The following GTF2F2 variants were observed in gnomAD, a reference collection of about 807,000 sequenced individuals.
GTF2F2 encodes the protein ATP-dependent helicase GTF2F2.
A neutral mutation model predicts 42.2 loss-of-function variants in GTF2F2; 23 were observed. The observed-to-expected ratio is 0.55, with a 90% confidence interval of 0.39 to 0.77. GTF2F2 has a LOEUF of 0.77. Among genes scored for constraint, GTF2F2 ranks in the 30% least tolerant of loss-of-function variants. GTF2F2 has a pLI of 0.00. For missense variants in GTF2F2, 261 were observed against 287.2 expected, an observed-to-expected ratio of 0.91 and a Z score of 0.66; for synonymous variants, 105 against 100.8, an observed-to-expected ratio of 1.04 and a Z score of -0.25.
At chr13:45,222,832 G>A (rs906111727) in intron 5 of GTF2F2, among the ~76,000 whole-genome samples, 1 of 152,112 alleles carries the variant, frequency 6.6e-6, no homozygotes, top group Admixed American at 6.6e-5. Context: ...AACCTGCTTC[G>A]TGAACTATGG....
At chr13:45,235,163 A>C (rs1438933883) in intron 5 of GTF2F2, among the ~76,000 whole-genome samples, 1 of 151,718 alleles carries the variant, frequency 6.6e-6, no homozygotes, top group African/African-American at 2.4e-5. Context: ...TATTGTCAAC[A>C]CTTTGTCAAT....
At chr13:45,159,115 A>G (rs1333054696) in intron 4 of GTF2F2, among the ~76,000 whole-genome samples, 2 of 152,240 alleles carry the variant, frequency 1.3e-5, no homozygotes, top group African/African-American at 2.4e-5. Context: ...GCCACTCTAC[A>G]TATTGTCATG....
intron 6 of GTF2F2, among the ~76,000 whole-genome samples, chr13:45,255,041 C>T (rs1876041964): frequency 1.3e-5 from 2 of 151,814 alleles, no homozygotes; most frequent in Non-Finnish European, 2.9e-5. Flanking sequence ...GTGGCAGGCA[C>T]CTGTAATTCC....
rs543251608 is a variant in GTF2F2, at chr13:45,268,480, C to T, written c.630+1104C>T. Among the ~76,000 whole-genome samples the T allele has an allele frequency of 1.0e-3, 155 of 151,934 alleles. 1 individual carries two copies. Among genetic ancestry groups the T allele is most frequent in the African/African-American group, 3.5e-3 (144 of 41,442 alleles). ...TTTGTTAAGAAATTAATTTGAATTCCAAAAGATTTACTTTTTAATAAGAAG... is the reference window on the plus strand; with the variant it reads ...TTTGTTAAGAAATTAATTTGAATTCTAAAAGATTTACTTTTTAATAAGAAG... On this transcript the variant is annotated intron_variant, in intron 7 of 7. Coordinates refer to ENST00000340473, the MANE Select transcript of GTF2F2 (RefSeq NM_004128.3).
chr13:45,226,449 CA>C (rs1392807747), intron 5 of GTF2F2, among the ~76,000 whole-genome samples: 9 of 152,130 alleles, frequency 5.9e-5, no homozygotes, highest in Non-Finnish European at 1.0e-4. Context: ...TCTTATACAT[CA>C]TAGGGTCTGT....
chr13:45,140,953 T>TA (rs1428037535), intron 2 of GTF2F2, among the ~76,000 whole-genome samples: 2 of 152,240 alleles, frequency 1.3e-5, no homozygotes, highest in African/African-American at 2.4e-5. Context: ...CTTTGGGCCT[T>TA]ACACTTCTTG....
chr13:45,199,408 A>C (rs919814192), intron 4 of GTF2F2, among the ~76,000 whole-genome samples: 3 of 152,268 alleles, frequency 2.0e-5, no homozygotes, highest in African/African-American at 7.2e-5. Flanking sequence ...ACAATTTATA[A>C]GTCATATTAA....
chr13:45,148,710 A>G (rs1285771354), intron 2 of GTF2F2, among the ~76,000 whole-genome samples: 1 of 152,150 alleles, frequency 6.6e-6, no homozygotes, highest in Non-Finnish European at 1.5e-5. Context: ...GACAGGGTTA[A>G]CTCAGTACTT....
At chr13:45,236,606 A>C (rs994946876) in intron 5 of GTF2F2, among the ~76,000 whole-genome samples, 1 of 151,996 alleles carries the variant, frequency 6.6e-6, no homozygotes, top group Non-Finnish European at 1.5e-5. Context: ...AAAGGTGCCT[A>C]AGTGTTACTG....
intron 7 of GTF2F2, among the ~76,000 whole-genome samples, chr13:45,270,286 C>T (rs944874163): frequency 6.6e-6 from 1 of 152,070 alleles, no homozygotes; most frequent in African/African-American, 2.4e-5. Context: ...GATATAAAGT[C>T]GGGGACATAG....
chr13:45,276,696 C>G (rs1006267419), intron 7 of GTF2F2, among the ~76,000 whole-genome samples: 2 of 152,196 alleles, frequency 1.3e-5, no homozygotes, highest in Non-Finnish European at 2.9e-5. Flanking sequence ...CTGCCTCGGC[C>G]TCCCAAAGTG....
rs1877394101 is a variant in GTF2F2, at chr13:45,284,786, ATAT to A, written c.*1230_*1232del. The A allele has an allele frequency of 6.6e-6, 1 of 152,256 alleles. No individual in the cohort carries two copies. Among genetic ancestry groups the A allele is most frequent in the African/African-American group, 2.4e-5 (1 of 41,468 alleles). 9.4% of individuals were successfully genotyped at this position (152,256 alleles called of 1,614,324 possible). ...CTATCCATTGAGAAAAACAATTTTT[ATAT>A]TATTTGCTTTTAGCAGCAAAGCATT... is the stretch of plus-strand genomic sequence containing the variant. On this transcript the variant is annotated 3_prime_UTR_variant, in exon 8 of 8. Transcript: ENST00000340473.
chr13:45,205,817 C>T (rs1192289881), intron 4 of GTF2F2, among the ~76,000 whole-genome samples: 1 of 152,080 alleles, frequency 6.6e-6, no homozygotes, highest in African/African-American at 2.4e-5. Context: ...CGTGGCCGAC[C>T]TAGATTTATT....
At chr13:45,133,476 A>C (rs889216797) in intron 1 of GTF2F2, among the ~76,000 whole-genome samples, 1 of 152,294 alleles carries the variant, frequency 6.6e-6, no homozygotes, top group African/African-American at 2.4e-5. Context: ...GCACTCCCTC[A>C]ACATAGGGAG....
At chr13:45,188,558 G>T (rs912781541) in intron 4 of GTF2F2, among the ~76,000 whole-genome samples, 1 of 152,160 alleles carries the variant, frequency 6.6e-6, no homozygotes, top group Non-Finnish European at 1.5e-5. Flanking sequence ...GTTCATGAAG[G>T]TGAAGTACTT....
chr13:45,152,615 T>G (rs1352000063), intron 4 of GTF2F2, among the ~76,000 whole-genome samples: 1 of 152,246 alleles, frequency 6.6e-6, no homozygotes, highest in Non-Finnish European at 1.5e-5. Flanking sequence ...TGCATAGAGA[T>G]AACTTTTAAT....
chr13:45,271,160 C>T (rs902879078), intron 7 of GTF2F2, among the ~76,000 whole-genome samples: 4 of 151,940 alleles, frequency 2.6e-5, no homozygotes, highest in South Asian at 2.1e-4. Flanking sequence ...GGCGTGGTGG[C>T]CAGCCCCTGT....
intron 5 of GTF2F2, among the ~76,000 whole-genome samples, chr13:45,224,020 A>G (rs1382445268): frequency 6.6e-6 from 1 of 152,202 alleles, no homozygotes; most frequent in Non-Finnish European, 1.5e-5. Context: ...TATATATTAA[A>G]CTGTATCCAT....
At chr13:45,120,801 C>CCTAATGAAGT in intron 1 of GTF2F2, 80 bp downstream of exon 1, 1 of 1,050,468 alleles carries the variant, frequency 9.5e-7, no homozygotes, top group Non-Finnish European at 1.4e-6. Flanking sequence ...CCGCTCCGTG[C>CCTAATGAAGT]GCCTCTTAAA....
Sources: allele counts gnomAD v4.1 joint callset (sites outside exome capture counted in the v4.1 genomes callset), GRCh38; gene constraint gnomAD v4.1.1; transcripts MANE v1.5; gene names NCBI Gene and HGNC (gene_info 2026-07-23, HGNC 2026-07-21).